ARV1: variants seen among roughly 807,000 people sequenced by gnomAD.
ARV1 encodes protein ARV1.
In ARV1, 26 loss-of-function variants were observed where a neutral mutation model predicts 31.1. The observed-to-expected ratio is 0.84, with a 90% CI of 0.61 to 1.16. The LOEUF (loss-of-function observed/expected upper bound fraction) is 1.16, where lower values mean the gene tolerates loss of function less well. Ranked by LOEUF, ARV1 falls within the 50% of genes most tolerant of loss-of-function variation. The pLI, the probability that ARV1 is intolerant of heterozygous loss-of-function variation, is 0.00. For synonymous variants in ARV1, 117 were observed against 123.2 expected (o/e 0.95, Z 0.34); for missense variants, 281 against 324.9 (o/e 0.86, Z 1.04).
At chr1:230,986,332 C>G (rs1679066058) in intron 1 of ARV1, among the ~76,000 whole-genome samples, 1 of 152,122 alleles carries the variant, frequency 6.6e-6, no homozygotes, top group Non-Finnish European at 1.5e-5. Context: ...AGTGGAGAAG[C>G]TATTTAAATT....
chr1:230,996,068 T>C (rs573792684), intron 4 of ARV1, 84 bp downstream of exon 4: 16 of 1,109,052 alleles, frequency 1.4e-5, no homozygotes, highest in Non-Finnish European at 1.8e-5. Flanking sequence ...AGTTTTTATA[T>C]AACCTGTTGA....
intron 1 of ARV1, among the ~76,000 whole-genome samples, chr1:230,985,035 G>A (rs879315337): frequency 2.6e-5 from 4 of 152,132 alleles, no homozygotes; most frequent in Non-Finnish European, 4.4e-5. Flanking sequence ...GAGTTTGTCC[G>A]GCCTTCCCAG....
chr1:230,979,869 C>G (rs946988950), intron 1 of ARV1, among the ~76,000 whole-genome samples: 1 of 152,042 alleles, frequency 6.6e-6, no homozygotes, highest in South Asian at 2.1e-4. Context: ...TTATAAGGCC[C>G]TATGGAGTCT....
chr1:230,990,764 T>A (rs1395485452), intron 3 of ARV1: 1 of 180,704 alleles, frequency 5.5e-6, no homozygotes, highest in African/African-American at 2.4e-5. Flanking sequence ...AGATGGGGGG[T>A]CTTTCCGTGT....
chr1:230,984,675 A>G (rs1053238474), intron 1 of ARV1, among the ~76,000 whole-genome samples: 31 of 152,370 alleles, frequency 2.0e-4, no homozygotes, highest in African/African-American at 6.7e-4. Context: ...CTCAAATGCA[A>G]TAATTCTACA....
intron 4 of ARV1, among the ~76,000 whole-genome samples, chr1:230,996,885 G>A (rs544126837): frequency 2.0e-5 from 3 of 152,104 alleles, no homozygotes; most frequent in Admixed American, 6.5e-5. Flanking sequence ...TGATATTCAC[G>A]GGAATCTGCC....
chr1:230,989,651 A>G (rs188885216), intron 2 of ARV1, among the ~76,000 whole-genome samples: 41 of 152,354 alleles, frequency 2.7e-4, no homozygotes, highest in African/African-American at 9.6e-4. Flanking sequence ...TTCTTATTCA[A>G]TATCATGGAA....
intron 1 of ARV1, chr1:230,979,542 G>C (rs1678768158): frequency 2.3e-6 from 1 of 442,670 alleles, no homozygotes; most frequent in African/African-American, 2.1e-5. Flanking sequence ...ATTTTGCAGA[G>C]AAATTTAAAG....
At chr1:230,998,917 A>G (rs1426149358) in intron 5 of ARV1, among the ~76,000 whole-genome samples, 2 of 152,116 alleles carry the variant, frequency 1.3e-5, no homozygotes, top group African/African-American at 2.4e-5. Context: ...TCTCAAAAAC[A>G]AAAAAATACA....
chr1:230,997,392 C>T, intron 5 of ARV1, 125 bp downstream of exon 5: 1 of 1,149,866 alleles, frequency 8.7e-7, no homozygotes, highest in South Asian at 1.5e-5. Flanking sequence ...GCCTCTAGGT[C>T]ACCCTCATCT....
In ARV1 at chr1:230,983,406, C is replaced by T. The variant is rs543059762; in HGVS notation, c.174+4127C>T. On this transcript the variant is annotated intron_variant, in intron 1 of 5. Coordinates refer to ENST00000310256, the MANE Select transcript of ARV1 (RefSeq NM_022786.3). ...CCAGCCTGGATGACAGAGTGAGACTCCGTCTCAAAAAAAAAAAAAAAAAGT... is the reference window on the plus strand; with the variant it reads ...CCAGCCTGGATGACAGAGTGAGACTTCGTCTCAAAAAAAAAAAAAAAAAGT... Among the ~76,000 whole-genome samples the T allele has an allele frequency of 5.9e-4, 77 of 130,202 alleles. No individual in the cohort carries two copies. The East Asian group carries it at 0.017, about 29-fold the overall frequency. 85.4% of individuals were successfully genotyped at this position (130,202 alleles called of 152,430 possible).
chr1:230,987,216 G>A (rs1205436230), intron 1 of ARV1, among the ~76,000 whole-genome samples: 10 of 152,140 alleles, frequency 6.6e-5, no homozygotes, highest in Admixed American at 6.5e-4. Flanking sequence ...ACGTGGACAC[G>A]CTAGACAAAG....
intron 1 of ARV1, among the ~76,000 whole-genome samples, chr1:230,986,656 A>G (rs1404527481): frequency 7.4e-6 from 1 of 135,010 alleles, no homozygotes; most frequent in African/African-American, 2.7e-5. Flanking sequence ...CCACAAATGT[A>G]ATACTTTTCC....
At chr1:230,988,294 T>C in intron 1 of ARV1, 26 bp from the exon 2 acceptor site, 2 of 1,572,492 alleles carry the variant, frequency 1.3e-6, no homozygotes, top group Non-Finnish European at 1.7e-6. Flanking sequence ...ATTTGCTTGT[T>C]CTAATATTAT....
At chr1:230,984,381 T>C (rs1241612259) in intron 1 of ARV1, among the ~76,000 whole-genome samples, 3 of 151,176 alleles carry the variant, frequency 2.0e-5, no homozygotes, top group South Asian at 2.1e-4. Flanking sequence ...TGTGTGTGTG[T>C]GTGTGTGTGT....
chr1:230,996,982 A>G (rs938440833), intron 4 of ARV1, 139 bp from the exon 5 acceptor site: 1 of 987,610 alleles, frequency 1.0e-6, no homozygotes, highest in Admixed American at 2.7e-5. Flanking sequence ...AAGTGGGAGA[A>G]GGTAACAGCA....
rs1032960837 is a variant in ARV1 at position 231,000,520 on chromosome 1, ATGT to A, written c.*392_*394del. 1 of 152,354 alleles carries A rather than the reference ATGT, an allele frequency of 6.6e-6. No individual in the cohort carries two copies. Among genetic ancestry groups the A allele is most frequent in the Admixed American group, 6.5e-5 (1 of 15,308 alleles). 9.4% of individuals were successfully genotyped at this position (152,354 alleles called of 1,614,324 possible). On this transcript the variant is annotated 3_prime_UTR_variant, in exon 6 of 6. Transcript: ENST00000310256. The stretch of plus-strand genomic sequence containing the variant: ...ACATGTTTATATCTTTTTAATTTAA[ATGT>A]TGTTACTGGCTTAAAATATTTTGTG...
chr1:230,988,327 G>C lies in ARV1; in HGVS notation c.182G>C (p.Cys61Ser), dbSNP rs550310528. ...GVLKITICKSCQKPVDKYIEY... is the reference protein window; with the variant it reads ...GVLKITICKSSQKPVDKYIEY... Reference sequence around the variant, plus strand: ...TATCTTGTATTATTTCAGAAATCCTGCCAGAAACCTGTAGACAAATATATC... The same window carrying C: ...TATCTTGTATTATTTCAGAAATCCTCCCAGAAACCTGTAGACAAATATATC... The change falls in exon 2 of 6, where the codon TGC becomes TCC. Residue 61 changes from cysteine (C) to serine (S), a missense_variant. Transcript: ENST00000310256. The C allele has an allele frequency of 3.8e-6, 6 of 1,589,316 alleles. No homozygotes were observed. The highest frequency in any genetic ancestry group is 5.2e-6 in the Non-Finnish European group (6 of 1,163,176).
intron 5 of ARV1, among the ~76,000 whole-genome samples, chr1:230,998,390 C>T (rs927517532): frequency 6.6e-6 from 1 of 152,316 alleles, no homozygotes. Context: ...CTCCTGTTGC[C>T]TCAATCTCTC....
Sources: gnomAD v4.1 joint callset for allele counts (sites outside exome capture counted in the v4.1 genomes callset) on GRCh38, gnomAD v4.1.1 for gene constraint, MANE v1.5 for transcripts, NCBI Gene and HGNC (gene_info 2026-07-23, HGNC 2026-07-21) for gene names.